ATAD3B: variants seen among roughly 807,000 people sequenced by gnomAD.
The protein encoded by ATAD3B is ATPase family AAA domain-containing protein 3B.
In ATAD3B, 59 loss-of-function variants were observed where a neutral mutation model predicts 70.2. The ratio of observed to expected loss-of-function variants is 0.84; its 90% CI spans 0.68 to 1.04. The LOEUF is 1.04. Among genes scored for constraint, ATAD3B ranks in the 50% least tolerant of loss-of-function variants. The pLI, the probability that ATAD3B is intolerant of heterozygous loss-of-function variation, is 0.00. For missense variants in ATAD3B, 961 were observed against 913.4 expected (o/e 1.05, Z -0.67); for synonymous variants, 423 against 388.6 (o/e 1.09, Z -1.04).
At chr1:1,472,964 A>C (rs555695448) in intron 1 of ATAD3B, among the ~76,000 whole-genome samples, 1 of 151,040 alleles carries the variant, frequency 6.6e-6, no homozygotes, top group Non-Finnish European at 1.5e-5. Context: ...CTGGGATTAC[A>C]GCCGCGCAGC....
At chr1:1,487,518 G>A (rs924076941) in intron 11 of ATAD3B, among the ~76,000 whole-genome samples, 12 of 151,648 alleles carry the variant, frequency 7.9e-5, no homozygotes, top group African/African-American at 2.4e-4. Flanking sequence ...TGCTCCTTGC[G>A]TGGACTCTTG....
At chr1:1,479,859 C>T (rs1351591282) in intron 4 of ATAD3B, among the ~76,000 whole-genome samples, 1 of 144,054 alleles carries the variant, frequency 6.9e-6, no homozygotes, top group Non-Finnish European at 1.5e-5. Context: ...CCCGCACACA[C>T]GGGCCTGCAC....
chr1:1,493,630 T>C (rs1420593023), intron 15 of ATAD3B, among the ~76,000 whole-genome samples: 1 of 151,830 alleles, frequency 6.6e-6, no homozygotes, highest in Non-Finnish European at 1.5e-5. Flanking sequence ...TGAATTTTTT[T>C]TTTTTAATCA....
At chr1:1,501,071 T>C (rs1640934820), downstream of ATAD3B, among the ~76,000 whole-genome samples, 1 of 152,264 alleles carries the variant, frequency 6.6e-6, no homozygotes, top group East Asian at 1.9e-4. Context: ...AGACCAATTA[T>C]TAGGAAACTT....
chr1:1,474,744 G>A (rs964431191), intron 1 of ATAD3B, among the ~76,000 whole-genome samples: 4 of 151,762 alleles, frequency 2.6e-5, no homozygotes, highest in Non-Finnish European at 5.9e-5. Context: ...CAGGTGATTC[G>A]CCCACCTCGG....
rs553799027 is a variant in ATAD3B at position 1,495,777 on chromosome 1, G to C, written c.1907G>C (p.Gly636Ala). The C allele has an allele frequency of 8.9e-5, 142 of 1,602,698 alleles. 1 individual carries two copies. The highest frequency in any genetic ancestry group is 2.0e-4 in the Middle Eastern group (1 of 5,020). ...CTGTCCCCCAGGATGTCTTGTGGTG[G>C]CGGTCGGCCGTTCTGCCCCCCAGGG... is the stretch of plus-strand genomic sequence containing the variant. ...GPLSPRMSCGGGRPFCPPGHP... is the reference protein window; with the variant it reads ...GPLSPRMSCGAGRPFCPPGHP... The change falls in exon 16 of 16, where the codon GGC becomes GCC. Residue 636 changes from glycine (G) to alanine (A), a missense_variant. By Grantham distance (60) the Gly-to-Ala change is moderately conservative. Coordinates refer to ENST00000673477, the MANE Select transcript of ATAD3B (RefSeq NM_031921.6).
chr1:1,474,308 A>G (rs1639483556), intron 1 of ATAD3B, among the ~76,000 whole-genome samples: 1 of 149,116 alleles, frequency 6.7e-6, no homozygotes, highest in Admixed American at 6.8e-5. Context: ...CTCCTGCCTC[A>G]GCCTCCCGAG....
rs1156287970 is a variant in ATAD3B at position 1,482,633 on chromosome 1, CAG to C, written c.750+20_750+21del. The C allele has an allele frequency of 6.2e-7, 1 of 1,613,282 alleles. No homozygotes were observed. The highest frequency in any genetic ancestry group is 1.1e-5 in the South Asian group (1 of 90,984). On this transcript the variant is annotated intron_variant, in intron 7 of 15. Coordinates refer to ENST00000673477, the MANE Select transcript of ATAD3B (RefSeq NM_031921.6). ...AGCCACGGTAAACATATTCATAAAA[CAG>C]GGCTGGCAGGTGGCTGAGAGGCAGC...
intron 11 of ATAD3B, among the ~76,000 whole-genome samples, 175 bp from the exon 12 acceptor site, chr1:1,487,688 G>C (rs1440478842): frequency 2.6e-5 from 4 of 152,006 alleles, no homozygotes; most frequent in African/African-American, 9.6e-5. Flanking sequence ...GTGGTCAGCT[G>C]CCCAGAGGCC....
chr1:1,487,152 A>T (rs557247716), intron 11 of ATAD3B, among the ~76,000 whole-genome samples: 12 of 152,118 alleles, frequency 7.9e-5, no homozygotes, highest in South Asian at 2.1e-4. Flanking sequence ...CACGATCCTC[A>T]TGGTTGGCAC....
chr1:1,478,293 G>A (rs536309949), intron 2 of ATAD3B: 6 of 907,196 alleles, frequency 6.6e-6, no homozygotes, highest in African/African-American at 3.4e-5. Context: ...GATGGCGCCC[G>A]GCCCACTCAG....
chr1:1,482,784 C>T, intron 7 of ATAD3B, 170 bp downstream of exon 7: 1 of 1,113,202 alleles, frequency 9.0e-7, no homozygotes, highest in East Asian at 2.6e-5. Context: ...CCTCCTTGAG[C>T]TGGGAGAAAA....
At chr1:1,493,090 G>A (rs1344824664) in intron 15 of ATAD3B, among the ~76,000 whole-genome samples, 22 of 152,000 alleles carry the variant, frequency 1.4e-4, no homozygotes, top group Admixed American at 3.9e-4. Flanking sequence ...CAGTCTGGGC[G>A]ACAGAGCGAA....
At chr1:1,486,013 A>C in intron 9 of ATAD3B, 97 bp from the exon 10 acceptor site, 1 of 1,597,874 alleles carries the variant, frequency 6.3e-7, no homozygotes, top group Non-Finnish European at 8.5e-7. Context: ...CGGCTTCCTG[A>C]GGAGCAGAGT....
Position 1,485,249 on chromosome 1 carries a change from C to T in ATAD3B, c.906+78C>T, listed in dbSNP as rs1464528115. 775 of 1,564,878 alleles carry T rather than the reference C, an allele frequency of 5.0e-4. 2 individuals are homozygous for T. Among genetic ancestry groups the T allele is most frequent in the East Asian group, 6.2e-4 (27 of 43,600 alleles). ...CTGCCCCACGAGCACAGCCCACGCA[C>T]ACCCTCCCGTCCCTTCCCTTTCCCC... On this transcript the variant is annotated intron_variant, in intron 8 of 15. Coordinates refer to ENST00000673477, the MANE Select transcript of ATAD3B (RefSeq NM_031921.6).
chr1:1,505,154 G>A, the ATAD3B span, among the ~76,000 whole-genome samples: 2 of 152,144 alleles, frequency 1.3e-5, no homozygotes, highest in African/African-American at 2.4e-5. Context: ...ACAAGACAAA[G>A]GGGCAGGATA....
At chr1:1,482,760 C>A in intron 7 of ATAD3B, 146 bp downstream of exon 7, 2 of 1,323,694 alleles carry the variant, frequency 1.5e-6, no homozygotes, top group South Asian at 1.3e-5. Context: ...ACCTGCTGGG[C>A]TCGGCTGCTC....
chr1:1,487,138 G>T (rs1269386152), intron 11 of ATAD3B, among the ~76,000 whole-genome samples: 1 of 152,118 alleles, frequency 6.6e-6, no homozygotes, highest in Non-Finnish European at 1.5e-5. Flanking sequence ...GTCCTCGTTG[G>T]AACCACGATC....
In ATAD3B at chr1:1,485,252, C is replaced by A. The variant is rs1402579252; in HGVS notation, c.906+81C>A. 4.4e-4 allele frequency: 686 copies of A among 1,549,004 alleles called. 2 individuals are homozygous for A. The highest frequency in any genetic ancestry group is 6.3e-4 in the East Asian group (27 of 43,194). On this transcript the variant is annotated intron_variant, in intron 8 of 15. Coordinates refer to ENST00000673477, the MANE Select transcript of ATAD3B (RefSeq NM_031921.6). ...CCCCACGAGCACAGCCCACGCACAC[C>A]CTCCCGTCCCTTCCCTTTCCCCGGA...
Sources: allele counts gnomAD v4.1 joint callset (sites outside exome capture counted in the v4.1 genomes callset), GRCh38; gene constraint gnomAD v4.1.1; transcripts MANE v1.5; gene names NCBI Gene and HGNC (gene_info 2026-07-23, HGNC 2026-07-21).